DLGAP2: variants seen among roughly 807,000 people sequenced by gnomAD.
The protein encoded by DLGAP2 is DLG associated protein 2, also known as disks large-associated protein 2.
DLGAP2 carries 26 observed loss-of-function variants against 100.3 expected under a neutral mutation model. The observed-to-expected ratio is 0.26, with a 90% CI of 0.19 to 0.36. DLGAP2 has a LOEUF of 0.36. Among genes scored for constraint, DLGAP2 ranks in the 10% least tolerant of loss-of-function variants. The pLI is 1.00. For missense variants in DLGAP2, 1,858 were observed against 1,453.2 expected (o/e 1.28, Z -4.53); for synonymous variants, 886 against 630.1 (o/e 1.41, Z -6.08).
At chr8:858,736 T>C (rs116768694) in intron 1 of DLGAP2, among the ~76,000 whole-genome samples, 1,582 of 150,030 alleles carry the variant, frequency 0.011, 28 homozygotes, top group African/African-American at 0.037. Context: ...CGTGGGCACA[T>C]GTATGATGCT....
rs569077145 is a variant in DLGAP2, at chr8:785,440, C to T, written c.18+47615C>T. Reference sequence around the variant, plus strand: ...TCTCTGAGACCGGCTTCTCTCCTCCCCTCAGGTCTCTCTGAGACCGGCCTC... The same window carrying T: ...TCTCTGAGACCGGCTTCTCTCCTCCTCTCAGGTCTCTCTGAGACCGGCCTC... On this transcript the variant is annotated intron_variant, in intron 1 of 14. Transcript: ENST00000637795. Among the ~76,000 whole-genome samples, 224 of 150,962 alleles carry T rather than the reference C, an allele frequency of 1.5e-3. 3 individuals are homozygous for T. Among genetic ancestry groups the T allele is most frequent in the African/African-American group, 5.0e-3 (207 of 41,040 alleles).
chr8:1,447,244 C>T (rs527952057), intron 3 of DLGAP2, among the ~76,000 whole-genome samples: 1 of 152,310 alleles, frequency 6.6e-6, no homozygotes, highest in Admixed American at 6.5e-5. Context: ...ATAGATAGCT[C>T]TTATTATTTT....
At chr8:1,309,765 A>C (rs1418366345) in intron 3 of DLGAP2, among the ~76,000 whole-genome samples, 1 of 152,254 alleles carries the variant, frequency 6.6e-6, no homozygotes, top group Non-Finnish European at 1.5e-5. Flanking sequence ...AGATAAGTGT[A>C]CGTCTATGTT....
chr8:1,423,777 C>T lies in DLGAP2; in HGVS notation c.107-77589C>T, dbSNP rs145311963. On this transcript the variant is annotated intron_variant, in intron 3 of 14. Transcript: ENST00000637795. ...CAGCCAGGGCTAGTGGCAGGAGCAA[C>T]GGGCCCATGCACTTGCAAGCTTCTA... Among the ~76,000 whole-genome samples, 427 of 152,238 alleles carry T rather than the reference C, an allele frequency of 2.8e-3. 1 individual carries two copies. The highest frequency in any genetic ancestry group is 9.5e-3 in the African/African-American group (395 of 41,536).
chr8:1,071,560 G>C (rs1449422341), intron 2 of DLGAP2, among the ~76,000 whole-genome samples: 1 of 152,184 alleles, frequency 6.6e-6, no homozygotes, highest in African/African-American at 2.4e-5. Context: ...AACAGCGCTA[G>C]CCTGATTCTT....
At chr8:1,562,669 TG>T (rs202115918) in intron 5 of DLGAP2, among the ~76,000 whole-genome samples, 3 of 50,646 alleles carry the variant, frequency 5.9e-5, no homozygotes, top group Non-Finnish European at 1.1e-4. Context: ...TGTGTGGTGT[TG>T]GGGTGTCCGC....
At chr8:1,258,305 A>G (rs1315115335) in intron 2 of DLGAP2, among the ~76,000 whole-genome samples, 1 of 152,182 alleles carries the variant, frequency 6.6e-6, no homozygotes, top group Non-Finnish European at 1.5e-5. Context: ...ACAATTAAGA[A>G]AGTATATTCG....
At chr8:1,201,508 C>T (rs184014449) in intron 2 of DLGAP2, among the ~76,000 whole-genome samples, 2 of 152,366 alleles carry the variant, frequency 1.3e-5, no homozygotes, top group African/African-American at 2.4e-5. Flanking sequence ...GGACAGTGTG[C>T]TTCAGCCCAG....
chr8:1,646,516 G>C (rs972134777), intron 8 of DLGAP2, among the ~76,000 whole-genome samples: 4 of 152,142 alleles, frequency 2.6e-5, no homozygotes, highest in Admixed American at 6.5e-5. Context: ...TACCCTTAAA[G>C]GGTATTTTTT....
intron 1 of DLGAP2, among the ~76,000 whole-genome samples, chr8:759,934 C>T (rs868424702): frequency 4.6e-5 from 7 of 152,190 alleles, no homozygotes; most frequent in East Asian, 1.9e-4. Context: ...AGCAGCTCCA[C>T]GCTTACTTCT....
At chr8:1,153,203 T>A (rs1171632463) in intron 2 of DLGAP2, among the ~76,000 whole-genome samples, 1 of 152,124 alleles carries the variant, frequency 6.6e-6, no homozygotes, top group African/African-American at 2.4e-5. Flanking sequence ...GGCAGAGTGG[T>A]TGGTTCCTCA....
intron 8 of DLGAP2, among the ~76,000 whole-genome samples, chr8:1,657,548 C>G (rs574134138): frequency 2.6e-5 from 4 of 152,286 alleles, no homozygotes; most frequent in South Asian, 2.1e-4. Flanking sequence ...TGAATTCTTT[C>G]TTTACTATTG....
chr8:1,044,426 C>T (rs1282484764), intron 2 of DLGAP2, among the ~76,000 whole-genome samples: 4 of 152,204 alleles, frequency 2.6e-5, no homozygotes, highest in Non-Finnish European at 5.9e-5. Flanking sequence ...GCTGGAGGGC[C>T]ACAGACAGCT....
intron 1 of DLGAP2, among the ~76,000 whole-genome samples, chr8:800,968 T>G (rs2132654604): frequency 6.6e-6 from 1 of 151,634 alleles, no homozygotes; most frequent in East Asian, 2.0e-4. Context: ...CCTTCCTGGG[T>G]CCCCATCCAC....
intron 2 of DLGAP2, among the ~76,000 whole-genome samples, chr8:1,110,221 G>T (rs1455819516): frequency 1.9e-4 from 22 of 117,894 alleles, no homozygotes; most frequent in Non-Finnish European, 1.8e-4. Context: ...GGTGTGCATG[G>T]GTCTGTGACG....
At chr8:1,061,044 T>A (rs1015870617) in intron 2 of DLGAP2, among the ~76,000 whole-genome samples, 6 of 152,204 alleles carry the variant, frequency 3.9e-5, no homozygotes, top group African/African-American at 1.4e-4. Flanking sequence ...TTCCCCCACG[T>A]GGGCAGAGGA....
chr8:1,343,086 C>T (rs909049222), intron 3 of DLGAP2, among the ~76,000 whole-genome samples: 6 of 152,164 alleles, frequency 3.9e-5, no homozygotes, highest in African/African-American at 1.4e-4. Context: ...AAACACTGGC[C>T]AGTCCTTAGT....
At chr8:745,382 G>C (rs1268760421) in intron 1 of DLGAP2, among the ~76,000 whole-genome samples, 1 of 152,206 alleles carries the variant, frequency 6.6e-6, no homozygotes, top group African/African-American at 2.4e-5. Context: ...GTTCTAGGTT[G>C]TCACTATAAT....
At chr8:1,002,791 G>A (rs1800998215) in intron 2 of DLGAP2, 2 of 152,310 alleles carry the variant, frequency 1.3e-5, no homozygotes, top group African/African-American at 4.8e-5. Flanking sequence ...GGGTCTCGGA[G>A]CCAGTGGCTG....
Sources: allele counts gnomAD v4.1 joint callset (sites outside exome capture counted in the v4.1 genomes callset), GRCh38; gene constraint gnomAD v4.1.1; transcripts MANE v1.5; gene names NCBI Gene and HGNC (gene_info 2026-07-23, HGNC 2026-07-21).